The following NALCN variants were observed in gnomAD, a reference collection of about 807,000 sequenced individuals.
NALCN encodes the protein sodium leak channel, non-selective.
A neutral mutation model predicts 225.3 loss-of-function variants in NALCN; 111 were observed. The ratio of observed to expected loss-of-function variants is 0.49; its 90% CI spans 0.42 to 0.58. NALCN has a LOEUF of 0.58. Among genes scored for constraint, NALCN ranks in the 20% least tolerant of loss-of-function variants. The pLI is 0.00. For synonymous variants in NALCN, 764 were observed against 769.0 expected (o/e 0.99, Z 0.11); for missense variants, 1,378 against 2,202.4 (o/e 0.63, Z 7.49).
chr13:101,288,217 C>A (rs540122712), intron 9 of NALCN, among the ~76,000 whole-genome samples: 2 of 152,230 alleles, frequency 1.3e-5, no homozygotes, highest in South Asian at 4.1e-4. Context: ...TATTAGAAGG[C>A]ACTCATTATT....
intron 7 of NALCN, among the ~76,000 whole-genome samples, chr13:101,335,527 C>T (rs1263199103): frequency 6.6e-6 from 1 of 152,038 alleles, no homozygotes; most frequent in Non-Finnish European, 1.5e-5. Flanking sequence ...GTCAGGTTTT[C>T]CTTGTTCCAT....
intron 15 of NALCN, among the ~76,000 whole-genome samples, chr13:101,156,290 G>T (rs1489102104): frequency 6.6e-6 from 1 of 152,088 alleles, no homozygotes; most frequent in Non-Finnish European, 1.5e-5. Flanking sequence ...TCTAAAGCCA[G>T]CCATTTCTTC....
At chr13:101,172,305 AT>A (rs1414496869) in intron 15 of NALCN, among the ~76,000 whole-genome samples, 1 of 151,988 alleles carries the variant, frequency 6.6e-6, no homozygotes, top group Non-Finnish European at 1.5e-5. Context: ...ACTTGCTCAC[AT>A]TCCTAACTCT....
chr13:101,314,558 C>A lies in NALCN; in HGVS notation c.800-22192G>T, dbSNP rs139361012. ...TTCTCTATCTCTAGTAAAATACAAT[C>A]ATATTTGGGGACTAGCTGTACATAC... On this transcript the variant is annotated intron_variant, in intron 7 of 43. Coordinates refer to ENST00000251127, the MANE Select transcript of NALCN (RefSeq NM_052867.4). Among the ~76,000 whole-genome samples the A allele has an allele frequency of 7.2e-5, 11 of 152,222 alleles. No homozygotes were observed. The East Asian group carries it at 2.1e-3, about 29-fold the overall frequency.
intron 13 of NALCN, among the ~76,000 whole-genome samples, chr13:101,214,200 A>T (rs1594451417): frequency 1.3e-5 from 2 of 152,050 alleles, no homozygotes; most frequent in African/African-American, 4.8e-5. Flanking sequence ...CAAGGACAGA[A>T]AACCAAACAC....
intron 7 of NALCN, among the ~76,000 whole-genome samples, chr13:101,305,165 G>C (rs767042763): frequency 5.9e-5 from 9 of 152,168 alleles, no homozygotes; most frequent in Non-Finnish European, 1.2e-4. Context: ...CATTCAACAA[G>C]ATTAGGAATG....
At chr13:101,408,237 T>C (rs991344630) in intron 1 of NALCN, among the ~76,000 whole-genome samples, 3 of 152,152 alleles carry the variant, frequency 2.0e-5, no homozygotes, top group Non-Finnish European at 2.9e-5. Flanking sequence ...CACGTCTAAG[T>C]AATAAAACCA....
chr13:101,408,982 A>G (rs543249394), intron 1 of NALCN, among the ~76,000 whole-genome samples: 2 of 152,340 alleles, frequency 1.3e-5, no homozygotes. Context: ...ATCCCAAAGT[A>G]AAACAGCAGG....
At chr13:101,366,751 T>G (rs1883493040) in intron 6 of NALCN, among the ~76,000 whole-genome samples, 1 of 152,212 alleles carries the variant, frequency 6.6e-6, no homozygotes, top group African/African-American at 2.4e-5. Context: ...AATATATCCA[T>G]CATATCACTT....
intron 33 of NALCN, among the ~76,000 whole-genome samples, 154 bp downstream of exon 33, chr13:101,082,655 G>A (rs1229202788): frequency 6.6e-6 from 1 of 152,208 alleles, no homozygotes; most frequent in African/African-American, 2.4e-5. Flanking sequence ...CTTTGTTCGA[G>A]TTAAGCAGAA....
rs144106670 is a variant in NALCN, at chr13:101,191,464, T to G, written c.1764+453A>C. Reference sequence around the variant, plus strand: ...AGTCGCACATAGCACAAAACCACTGTGCTGATTTCTAATTAACTGACTGCA... The same window carrying G: ...AGTCGCACATAGCACAAAACCACTGGGCTGATTTCTAATTAACTGACTGCA... On this transcript the variant is annotated intron_variant, in intron 14 of 43. Transcript: ENST00000251127. Among the ~76,000 whole-genome samples the G allele has an allele frequency of 3.1e-3, 471 of 152,278 alleles. 2 individuals carry two copies. Among genetic ancestry groups the G allele is most frequent in the African/African-American group, 0.01 (428 of 41,564 alleles).
intron 28 of NALCN, among the ~76,000 whole-genome samples, chr13:101,093,051 T>C (rs2034318130): frequency 1.3e-5 from 2 of 152,280 alleles, no homozygotes; most frequent in African/African-American, 2.4e-5. Context: ...AATAAATACA[T>C]TTATTATAAG....
chr13:101,310,588 C>T (rs932609991), intron 7 of NALCN, among the ~76,000 whole-genome samples: 1 of 152,066 alleles, frequency 6.6e-6, no homozygotes, highest in Non-Finnish European at 1.5e-5. Flanking sequence ...TTCTCCTTGA[C>T]ACTTATTACT....
intron 7 of NALCN, among the ~76,000 whole-genome samples, chr13:101,306,007 G>A (rs2139120544): frequency 6.6e-6 from 1 of 152,344 alleles, no homozygotes; most frequent in Non-Finnish European, 1.5e-5. Context: ...AAAGGGAAGA[G>A]TGTGTTGGAC....
chr13:101,318,281 A>G (rs2044626040), intron 7 of NALCN, among the ~76,000 whole-genome samples: 2 of 152,040 alleles, frequency 1.3e-5, no homozygotes, highest in African/African-American at 4.8e-5. Flanking sequence ...TGCATGAGTG[A>G]GTGAGCATGG....
At chr13:101,103,439 T>G in intron 25 of NALCN, 100 bp from the exon 26 acceptor site, 1 of 1,347,994 alleles carries the variant, frequency 7.4e-7, no homozygotes, top group Non-Finnish European at 1.0e-6. Context: ...TTAGCAGAGA[T>G]TCCACTCACT....
intron 7 of NALCN, among the ~76,000 whole-genome samples, chr13:101,317,443 A>G (rs2044590815): frequency 6.6e-6 from 1 of 152,164 alleles, no homozygotes. Context: ...CACCAAGGAC[A>G]TTGTCCAGAA....
At chr13:101,162,453 T>C (rs680711) in intron 15 of NALCN, among the ~76,000 whole-genome samples, 81,503 of 152,004 alleles carry the variant, frequency 0.54, 22,078 homozygotes, top group African/African-American at 0.65. Context: ...AAAGTTGAGT[T>C]CAAAAGGAAT....
At chr13:101,149,655 G>A (rs1010006274) in intron 15 of NALCN, among the ~76,000 whole-genome samples, 4 of 152,324 alleles carry the variant, frequency 2.6e-5, no homozygotes, top group Non-Finnish European at 4.4e-5. Flanking sequence ...GGTTCTTCAC[G>A]ATTGTGCAAA....
Sources: allele counts gnomAD v4.1 joint callset (sites outside exome capture counted in the v4.1 genomes callset), GRCh38; gene constraint gnomAD v4.1.1; transcripts MANE v1.5; gene names NCBI Gene and HGNC (gene_info 2026-07-23, HGNC 2026-07-21).